Variants in TBC1D22A observed in about 807,000 individuals in gnomAD.
TBC1D22A encodes putative GTPase activator.
TBC1D22A carries 38 observed loss-of-function variants against 60.2 expected under a neutral mutation model. The ratio of observed to expected loss-of-function variants is 0.63; its 90% CI spans 0.49 to 0.83. TBC1D22A has a LOEUF of 0.83. Ranked by LOEUF, TBC1D22A falls within the 40% of genes least tolerant of loss-of-function variation. The pLI, the probability that TBC1D22A is intolerant of heterozygous loss-of-function variation, is 0.00. For missense variants in TBC1D22A, 628 were observed against 701.0 expected (o/e 0.90, Z 1.18); for synonymous variants, 302 against 281.7 (o/e 1.07, Z -0.72).
intron 12 of TBC1D22A, among the ~76,000 whole-genome samples, chr22:47,130,023 C>T (rs1285623079): frequency 1.3e-5 from 2 of 152,262 alleles, no homozygotes; most frequent in African/African-American, 4.8e-5. Context: ...GCCCTTCCTT[C>T]TGAGGCTCCT....
intron 11 of TBC1D22A, among the ~76,000 whole-genome samples, chr22:47,074,593 A>G (rs373933562): frequency 3.5e-4 from 54 of 152,200 alleles, no homozygotes; most frequent in Non-Finnish European, 7.3e-5. Flanking sequence ...GATGCATACA[A>G]TCTAATATCC....
chr22:46,945,658 G>T (rs962123676), intron 8 of TBC1D22A, among the ~76,000 whole-genome samples: 2 of 152,176 alleles, frequency 1.3e-5, no homozygotes, highest in African/African-American at 4.8e-5. Flanking sequence ...CCCAGCCTCC[G>T]AGTCCTTCTG....
At chr22:46,848,951 AAC>A (rs1300288788) in intron 4 of TBC1D22A, among the ~76,000 whole-genome samples, 1 of 151,586 alleles carries the variant, frequency 6.6e-6, no homozygotes, top group African/African-American at 2.4e-5. Context: ...GGGGACCCTT[AAC>A]CAGTGCACCC....
At chr22:47,131,661 T>G (rs2066682299) in intron 12 of TBC1D22A, among the ~76,000 whole-genome samples, 1 of 152,228 alleles carries the variant, frequency 6.6e-6, no homozygotes, top group South Asian at 2.1e-4. Flanking sequence ...AGGCCATTCC[T>G]GCTGACAGTG....
chr22:46,792,772 G>T, intron 2 of TBC1D22A, 196 bp downstream of exon 2: 1 of 1,463,004 alleles, frequency 6.8e-7, no homozygotes, highest in Non-Finnish European at 9.0e-7. Flanking sequence ...GGTGAAGACG[G>T]CGGATGTGGG....
intron 4 of TBC1D22A, among the ~76,000 whole-genome samples, chr22:46,860,065 T>C (rs368313890): frequency 6.9e-5 from 1 of 14,390 alleles, no homozygotes; most frequent in Non-Finnish European, 1.1e-4. Flanking sequence ...CGCGCAGTGC[T>C]GTGCCCCTTC....
At chr22:47,040,410 A>G (rs1156499377) in intron 11 of TBC1D22A, among the ~76,000 whole-genome samples, 4 of 152,212 alleles carry the variant, frequency 2.6e-5, no homozygotes, top group African/African-American at 9.7e-5. Flanking sequence ...TGGTGGGGAC[A>G]CAGATCCAAA....
intron 10 of TBC1D22A, among the ~76,000 whole-genome samples, chr22:47,032,644 A>G (rs1372494407): frequency 6.6e-6 from 1 of 152,214 alleles, no homozygotes; most frequent in Non-Finnish European, 1.5e-5. Context: ...CTGCCTTGGT[A>G]CACTGGGGCC....
At position 46,777,855 on chromosome 22, in the gene TBC1D22A, C is replaced by T. The variant is rs1278279698; in HGVS notation, c.63-14665C>T. ...ACATGTGTCCTTAGGTGATTTGGTCCCTGTGTGAACATCACAGAGCACATT... is the reference window on the plus strand; with the variant it reads ...ACATGTGTCCTTAGGTGATTTGGTCTCTGTGTGAACATCACAGAGCACATT... On this transcript the variant is annotated intron_variant, in intron 1 of 12. Transcript: ENST00000337137. The surrounding 1 kb of genome is among the most constrained non-coding windows in gnomAD (Gnocchi z 4.5). Among the ~76,000 whole-genome samples, 1 of 152,148 alleles carries T rather than the reference C, an allele frequency of 6.6e-6. No individual in the cohort carries two copies.
chr22:47,000,479 G>A (rs567724437), intron 10 of TBC1D22A, among the ~76,000 whole-genome samples: 5 of 152,198 alleles, frequency 3.3e-5, no homozygotes, highest in Non-Finnish European at 5.9e-5. Flanking sequence ...AAAGTCTGCC[G>A]TGGAGACACG....
At chr22:47,115,463 G>A (rs1467290353) in intron 12 of TBC1D22A, among the ~76,000 whole-genome samples, 3 of 151,656 alleles carry the variant, frequency 2.0e-5, no homozygotes, top group Admixed American at 6.6e-5. Context: ...CATGGACTGT[G>A]CCTTCCATCT....
At chr22:47,089,160 A>G (rs1052658341) in intron 11 of TBC1D22A, among the ~76,000 whole-genome samples, 7 of 152,184 alleles carry the variant, frequency 4.6e-5, no homozygotes, top group Non-Finnish European at 8.8e-5. Flanking sequence ...GACTGATGAG[A>G]ACAAAGTGAC....
intron 11 of TBC1D22A, among the ~76,000 whole-genome samples, chr22:47,062,581 G>A (rs2063616857): frequency 1.3e-5 from 2 of 152,146 alleles, no homozygotes; most frequent in African/African-American, 2.4e-5. Flanking sequence ...CGTGAGTGCC[G>A]TAGTGACTTC....
chr22:46,934,141 C>T (rs2071510930), intron 8 of TBC1D22A, among the ~76,000 whole-genome samples: 1 of 152,234 alleles, frequency 6.6e-6, no homozygotes, highest in South Asian at 2.1e-4. Context: ...TTTTATTTCT[C>T]ATGATCCAAG....
intron 1 of TBC1D22A, among the ~76,000 whole-genome samples, chr22:46,788,483 A>G (rs990191347): frequency 3.9e-5 from 6 of 152,248 alleles, no homozygotes; most frequent in Admixed American, 2.0e-4. Flanking sequence ...GGAGCTGAGC[A>G]GTGGCACGTG....
At chr22:47,051,617 C>T (rs561711409) in intron 11 of TBC1D22A, among the ~76,000 whole-genome samples, 31 of 152,264 alleles carry the variant, frequency 2.0e-4, no homozygotes, top group African/African-American at 5.8e-4. Flanking sequence ...CTCAAGGGGC[C>T]GGGCCCCTGC....
At chr22:47,020,460 C>T (rs1333449492) in intron 10 of TBC1D22A, among the ~76,000 whole-genome samples, 1 of 151,270 alleles carries the variant, frequency 6.6e-6, no homozygotes, top group Non-Finnish European at 1.5e-5. Flanking sequence ...GTAATTTGTG[C>T]TGTTTTCACT....
rs543364402 is a variant in TBC1D22A, at chr22:46,878,572, G to A, written c.638-81G>A. On this transcript the variant is annotated intron_variant, in intron 4 of 12. Coordinates refer to ENST00000337137, the MANE Select transcript of TBC1D22A (RefSeq NM_014346.5). ...GGGCTCCTTGCCTCCTAATTAAACAGGTGGAATGTGTTAAAGCACTGGGGA... is the reference window on the plus strand; with the variant it reads ...GGGCTCCTTGCCTCCTAATTAAACAAGTGGAATGTGTTAAAGCACTGGGGA... The A allele has an allele frequency of 2.6e-5, 30 of 1,172,902 alleles. No individual in the cohort carries two copies. In the African/African-American group the frequency reaches 4.3e-4, roughly 17 times the overall value. 72.7% of individuals were successfully genotyped at this position (1,172,902 alleles called of 1,614,324 possible).
intron 10 of TBC1D22A, among the ~76,000 whole-genome samples, chr22:47,036,391 G>C (rs949782774): frequency 6.6e-6 from 1 of 152,220 alleles, no homozygotes; most frequent in Non-Finnish European, 1.5e-5. Context: ...AGGGAGCACG[G>C]GGTCTGAGCT....
Sources: gnomAD v4.1 joint callset for allele counts (sites outside exome capture counted in the v4.1 genomes callset) on GRCh38, gnomAD v4.1.1 for gene constraint, Gnocchi (gnomAD v3.1) non-coding constraint, MANE v1.5 for transcripts, NCBI Gene and HGNC (gene_info 2026-07-23, HGNC 2026-07-21) for gene names.